The following SLC44A1 variants were observed in gnomAD, a reference collection of about 807,000 sequenced individuals.
The protein encoded by SLC44A1 is solute carrier family 44 member 1, also known as choline transporter-like protein 1.
A neutral mutation model predicts 79.3 loss-of-function variants in SLC44A1; 26 were observed. The observed-to-expected ratio is 0.33, with a 90% CI of 0.24 to 0.46. The LOEUF (loss-of-function observed/expected upper bound fraction) is 0.46, where lower values mean the gene tolerates loss of function less well. Ranked by LOEUF, SLC44A1 falls within the 20% of genes least tolerant of loss-of-function variation. The pLI is 1.00. For synonymous variants in SLC44A1, 263 were observed against 286.2 expected, an observed-to-expected ratio of 0.92 and a Z score of 0.82; for missense variants, 688 against 798.1, an observed-to-expected ratio of 0.86 and a Z score of 1.66.
At chr9:105,431,932 T>G (rs763795972) in intron 15 of SLC44A1, among the ~76,000 whole-genome samples, 8 of 152,208 alleles carry the variant, frequency 5.3e-5, no homozygotes, top group Non-Finnish European at 1.0e-4. Context: ...CATTATTTAT[T>G]TATTCATTGA....
chr9:105,302,561 C>T (rs973802924), intron 2 of SLC44A1, among the ~76,000 whole-genome samples: 1 of 151,728 alleles, frequency 6.6e-6, no homozygotes, highest in Non-Finnish European at 1.5e-5. Context: ...CCATGTTGGC[C>T]AGGTGGTCTC....
chr9:105,389,128 T>A lies in SLC44A1; in HGVS notation c.*72T>A. ...ATACACATAACTATGTATTTGTGTG[T>A]GTGGGTGTGTGTATATATGTATATG... is the stretch of plus-strand genomic sequence containing the variant. On this transcript the variant is annotated 3_prime_UTR_variant, in exon 16 of 16. Transcript: ENST00000374720. 6.3e-7 allele frequency: 1 copy of A among 1,587,658 alleles called. No homozygotes were observed.
chr9:105,346,376 T>C (rs1272580863), intron 4 of SLC44A1, among the ~76,000 whole-genome samples: 1 of 152,100 alleles, frequency 6.6e-6, no homozygotes, highest in Non-Finnish European at 1.5e-5. Flanking sequence ...GGGGTGGGGA[T>C]AGAGATTATG....
chr9:105,344,955 A>C (rs73512049), intron 4 of SLC44A1, among the ~76,000 whole-genome samples: 2,848 of 152,278 alleles, frequency 0.019, 88 homozygotes, highest in African/African-American at 0.066. Flanking sequence ...GGACAGCGCA[A>C]GCAGAGGGAA....
At chr9:105,307,340 T>A (rs889833190) in intron 2 of SLC44A1, among the ~76,000 whole-genome samples, 2 of 152,086 alleles carry the variant, frequency 1.3e-5, no homozygotes, top group African/African-American at 4.8e-5. Context: ...ATCTGAGTCT[T>A]CTTGTTAAAA....
intron 1 of SLC44A1, among the ~76,000 whole-genome samples, chr9:105,298,881 C>T (rs1564422850): frequency 6.6e-6 from 1 of 152,122 alleles, no homozygotes; most frequent in Admixed American, 6.5e-5. Flanking sequence ...TAAGCCTGGT[C>T]TCTTCCTTAT....
chr9:105,313,686 A>G (rs1831241221), intron 3 of SLC44A1, among the ~76,000 whole-genome samples: 1 of 152,176 alleles, frequency 6.6e-6, no homozygotes, highest in Non-Finnish European at 1.5e-5. Flanking sequence ...TAGATTGTCT[A>G]CAATCTTTAG....
At chr9:105,360,272 C>T (rs1323503150) in intron 7 of SLC44A1, among the ~76,000 whole-genome samples, 2 of 152,168 alleles carry the variant, frequency 1.3e-5, no homozygotes, top group African/African-American at 4.8e-5. Flanking sequence ...CCAGTGAGGC[C>T]TTGCTTACCC....
intron 3 of SLC44A1, among the ~76,000 whole-genome samples, chr9:105,319,033 A>C (rs1470676040): frequency 6.6e-6 from 1 of 152,128 alleles, no homozygotes; most frequent in African/African-American, 2.4e-5. Context: ...TGACCTTTGT[A>C]ATATACTTCA....
Position 105,244,852 on chromosome 9 carries a change from G to C in SLC44A1, c.-17G>C, listed in dbSNP as rs1334884863. 8.8e-7 allele frequency: 1 copy of C among 1,132,290 alleles called. No homozygotes were observed. The highest frequency in any genetic ancestry group is 1.7e-5 in the African/African-American group (1 of 60,546). 70.1% of individuals were successfully genotyped at this position (1,132,290 alleles called of 1,614,324 possible). A position where few individuals can be genotyped will look rare whatever the true frequency, so the allele number is the denominator to read the frequency against. ...GCTGCGCGCCCGGCGCCGCCTCCGG[G>C]CTCCTTCGGCCCCGCCATGGGCTGC... On this transcript the variant is annotated 5_prime_UTR_variant, in exon 1 of 16. Coordinates refer to ENST00000374720, the MANE Select transcript of SLC44A1 (RefSeq NM_080546.5).
At chr9:105,345,368 CAGAA>C (rs1413969669) in intron 4 of SLC44A1, among the ~76,000 whole-genome samples, 1 of 152,140 alleles carries the variant, frequency 6.6e-6, no homozygotes, top group Non-Finnish European at 1.5e-5. Flanking sequence ...AATATAAAAT[CAGAA>C]AGTACCTGGT....
intron 4 of SLC44A1, among the ~76,000 whole-genome samples, chr9:105,347,812 T>C (rs1471130338): frequency 2.4e-4 from 37 of 152,066 alleles, no homozygotes; most frequent in Non-Finnish European, 1.2e-4. Context: ...AAATAAGTAA[T>C]GTATTATCTG....
chr9:105,365,098 T>C (rs1386250164), intron 10 of SLC44A1, among the ~76,000 whole-genome samples: 1 of 152,244 alleles, frequency 6.6e-6, no homozygotes, highest in Non-Finnish European at 1.5e-5. Flanking sequence ...TTGCTAACTT[T>C]AGAGCCAAAT....
At chr9:105,388,461 T>C (rs1395110971) in intron 15 of SLC44A1, among the ~76,000 whole-genome samples, 1 of 152,238 alleles carries the variant, frequency 6.6e-6, no homozygotes, top group African/African-American at 2.4e-5. Flanking sequence ...TTGAATTCAC[T>C]ATCTTCCTCC....
In SLC44A1 at chr9:105,437,520, A is replaced by G. The variant is rs553502478; in HGVS notation, c.1951-761A>G. Among the ~76,000 whole-genome samples, 19 of 152,254 alleles carry G rather than the reference A, an allele frequency of 1.2e-4. No individual in the cohort carries two copies. In the East Asian group the frequency reaches 3.7e-3, roughly 29 times the overall value. On this transcript the variant is annotated intron_variant, in intron 15 of 15. Coordinates refer to the SLC44A1 transcript ENST00000374724. ...CACATATCTATTAGGTATATAGTAT[A>G]TACCTAATACTTTTGGATCACTTGA...
chr9:105,388,590 C>G (rs1210519653), intron 15 of SLC44A1, among the ~76,000 whole-genome samples: 1 of 152,140 alleles, frequency 6.6e-6, no homozygotes, highest in Non-Finnish European at 1.5e-5. Flanking sequence ...ATGAGAACTT[C>G]CGGTTTTGTT....
intron 1 of SLC44A1, among the ~76,000 whole-genome samples, chr9:105,264,033 C>T (rs897490016): frequency 1.3e-5 from 2 of 152,096 alleles, no homozygotes; most frequent in African/African-American, 4.8e-5. Flanking sequence ...TTTTGGACTC[C>T]ACTGTAGAAG....
Position 105,413,346 on chromosome 9 carries a change from A to G in SLC44A1, c.1951-24935A>G, listed in dbSNP as rs11790103. Among the ~76,000 whole-genome samples the G allele has an allele frequency of 3.8e-3, 573 of 152,298 alleles. 1 individual carries two copies. Among genetic ancestry groups the G allele is most frequent in the Non-Finnish European group, 6.7e-3 (454 of 68,018 alleles). On this transcript the variant is annotated intron_variant, in intron 15 of 15. Coordinates refer to the SLC44A1 transcript ENST00000374724. ...TGGTCGTATGACATAGTTCTGCCCA[A>G]TGAGATATAAGCTGAAGAATACTGG... is the stretch of plus-strand genomic sequence containing the variant.
intron 1 of SLC44A1, among the ~76,000 whole-genome samples, chr9:105,282,077 C>G (rs947301118): frequency 6.6e-6 from 1 of 152,046 alleles, no homozygotes; most frequent in Non-Finnish European, 1.5e-5. Context: ...GATAAATTGC[C>G]GTAATTGTAT....
Sources: allele counts gnomAD v4.1 joint callset (sites outside exome capture counted in the v4.1 genomes callset), GRCh38; gene constraint gnomAD v4.1.1; transcripts MANE v1.5; gene names NCBI Gene and HGNC (gene_info 2026-07-23, HGNC 2026-07-21).